Variants in PRKN observed in about 807,000 individuals in gnomAD.
PRKN encodes E3 ubiquitin-protein ligase parkin.
A neutral mutation model predicts 59.5 loss-of-function variants in PRKN; 56 were observed. That is an observed-to-expected ratio of 0.94 (90% confidence interval 0.76 to 1.18). The LOEUF is 1.18. PRKN is among the 50% of genes most tolerant of loss of function. The pLI, the probability that PRKN is intolerant of heterozygous loss-of-function variation, is 0.00. For synonymous variants in PRKN, 250 were observed against 222.1 expected, an observed-to-expected ratio of 1.13 and a Z score of -1.12; for missense variants, 657 against 596.4, an observed-to-expected ratio of 1.10 and a Z score of -1.06.
At chr6:161,479,514 A>G (rs990687326) in intron 9 of PRKN, among the ~76,000 whole-genome samples, 1 of 152,178 alleles carries the variant, frequency 6.6e-6, no homozygotes, top group African/African-American at 2.4e-5. Flanking sequence ...AGGAAGTGTA[A>G]TGAGGGAACC....
At chr6:161,640,322 CAT>C (rs1346831753) in intron 7 of PRKN, among the ~76,000 whole-genome samples, 1 of 152,090 alleles carries the variant, frequency 6.6e-6, no homozygotes, top group Non-Finnish European at 1.5e-5. Context: ...GCTTCTAAAA[CAT>C]ATACAGATAA....
At chr6:162,591,993 AT>A (rs891252983) in intron 1 of PRKN, among the ~76,000 whole-genome samples, 7 of 151,680 alleles carry the variant, frequency 4.6e-5, no homozygotes, top group African/African-American at 1.7e-4. Context: ...CCAGAACCTC[AT>A]TTTTTTGTTT....
intron 1 of PRKN, among the ~76,000 whole-genome samples, chr6:162,601,303 T>C (rs1398355452): frequency 8.5e-6 from 1 of 117,646 alleles, no homozygotes; most frequent in Non-Finnish European, 2.0e-5. Flanking sequence ...GGGGATTTGG[T>C]TTCCAAAACA....
chr6:161,805,605 C>T (rs1791284764), intron 6 of PRKN, among the ~76,000 whole-genome samples: 2 of 152,200 alleles, frequency 1.3e-5, no homozygotes, highest in Non-Finnish European at 2.9e-5. Flanking sequence ...AGCGCAGGCC[C>T]TCCGATGGCC....
chr6:161,388,691 C>T lies in PRKN; in HGVS notation c.1084-1814G>A, dbSNP rs1786372433. Among the ~76,000 whole-genome samples, 1 of 152,224 alleles carries T rather than the reference C, an allele frequency of 6.6e-6. No homozygotes were observed. Among genetic ancestry groups the T allele is most frequent in the African/African-American group, 2.4e-5 (1 of 41,466 alleles). Reference sequence around the variant, plus strand: ...CTTTCTAGGCCCAGGCCTCAAGAAACCAGAAGCTTCCATTTCCTGTTGGGA... The same window carrying T: ...CTTTCTAGGCCCAGGCCTCAAGAAATCAGAAGCTTCCATTTCCTGTTGGGA... On this transcript the variant is annotated intron_variant, in intron 9 of 11. Transcript: ENST00000366898. This position sits in a 1 kb window ranked among gnomAD's most constrained non-coding sequence, Gnocchi z 4.3.
rs1779031631 is a variant in PRKN at position 161,526,761 on chromosome 6, T to C, written c.1083+22093A>G. Among the ~76,000 whole-genome samples, 1 of 152,136 alleles carries C rather than the reference T, an allele frequency of 6.6e-6. No homozygotes were observed. Among genetic ancestry groups the C allele is most frequent in the African/African-American group, 2.4e-5 (1 of 41,432 alleles). On this transcript the variant is annotated intron_variant, in intron 9 of 11. Transcript: ENST00000366898. This position sits in a 1 kb window ranked among gnomAD's most constrained non-coding sequence, Gnocchi z 4.1. ...TCTGAAGGTTCGATAATGTAGTCTA[T>C]GAAATAAACTGACAGTAGACAGATC...
At chr6:162,174,640 A>G (rs560747261) in intron 4 of PRKN, among the ~76,000 whole-genome samples, 1 of 152,324 alleles carries the variant, frequency 6.6e-6, no homozygotes, top group South Asian at 2.1e-4. Flanking sequence ...GCTTCACACC[A>G]GACTTCTAAT....
intron 1 of PRKN, among the ~76,000 whole-genome samples, chr6:162,658,383 T>A (rs1778735258): frequency 6.6e-6 from 1 of 152,082 alleles, no homozygotes. Flanking sequence ...TATAAGAAAG[T>A]GTGTTAGCCG....
intron 3 of PRKN, among the ~76,000 whole-genome samples, chr6:162,214,385 G>A (rs1483838603): frequency 2.0e-5 from 3 of 152,122 alleles, no homozygotes; most frequent in Non-Finnish European, 4.4e-5. Flanking sequence ...CTTCAGGGTT[G>A]GATGGTTCTC....
At chr6:161,606,084 T>G (rs919659319) in intron 7 of PRKN, among the ~76,000 whole-genome samples, 2 of 152,156 alleles carry the variant, frequency 1.3e-5, no homozygotes, top group Non-Finnish European at 2.9e-5. Context: ...TTTCTTTTCA[T>G]GGACAGAGAC....
chr6:161,448,826 C>T lies in PRKN; in HGVS notation c.1084-61949G>A, dbSNP rs1157340051. Among the ~76,000 whole-genome samples the T allele has an allele frequency of 6.6e-6, 1 of 152,140 alleles. No homozygotes were observed. Among genetic ancestry groups the T allele is most frequent in the Admixed American group, 6.5e-5 (1 of 15,276 alleles). ...TGGACAATCCTTATAAGCTGGAGTC[C>T]AAGTTAACCTTCCCAAATGAGTGGC... On this transcript the variant is annotated intron_variant, in intron 9 of 11. Coordinates refer to ENST00000366898, the MANE Select transcript of PRKN (RefSeq NM_004562.3). This position sits in a 1 kb window ranked among gnomAD's most constrained non-coding sequence, Gnocchi z 5.1.
chr6:161,517,645 C>T (rs1055428211), intron 9 of PRKN, among the ~76,000 whole-genome samples: 3 of 141,288 alleles, frequency 2.1e-5, no homozygotes, highest in African/African-American at 7.9e-5. Context: ...GAGGCTGAGG[C>T]AGGAGAATGG....
At chr6:162,444,132 T>C (rs1790195293) in intron 1 of PRKN, among the ~76,000 whole-genome samples, 1 of 152,136 alleles carries the variant, frequency 6.6e-6, no homozygotes, top group Non-Finnish European at 1.5e-5. Context: ...TCTGTCTGTC[T>C]GCATGCCGTC....
In PRKN at chr6:161,395,775, G is replaced by A. The variant is rs760537457; in HGVS notation, c.1084-8898C>T. On this transcript the variant is annotated intron_variant, in intron 9 of 11. Coordinates refer to ENST00000366898, the MANE Select transcript of PRKN (RefSeq NM_004562.3). This position sits in a 1 kb window ranked among gnomAD's most constrained non-coding sequence, Gnocchi z 5.0. ...AAGTCTTGTCTACACAGCCAAAGCTGGGTCAGGAGTGGCCTGTGGTCAGGC... is the reference window on the plus strand; with the variant it reads ...AAGTCTTGTCTACACAGCCAAAGCTAGGTCAGGAGTGGCCTGTGGTCAGGC... Among the ~76,000 whole-genome samples, 15 of 152,204 alleles carry A rather than the reference G, an allele frequency of 9.9e-5. No homozygotes were observed. The highest frequency in any genetic ancestry group is 1.9e-4 in the Non-Finnish European group (13 of 68,042).
intron 1 of PRKN, among the ~76,000 whole-genome samples, chr6:162,604,688 T>C (rs539730598): frequency 1.2e-4 from 18 of 145,200 alleles, no homozygotes; most frequent in African/African-American, 4.6e-4. Context: ...CCCTGTTTCT[T>C]TCTCTCTCCT....
At chr6:161,733,206 T>C (rs1027707850) in intron 7 of PRKN, among the ~76,000 whole-genome samples, 5 of 152,214 alleles carry the variant, frequency 3.3e-5, no homozygotes, top group Non-Finnish European at 7.3e-5. Flanking sequence ...TAGGACAATA[T>C]GGATTTTTAA....
rs189682054 is a variant in PRKN, at chr6:162,304,547, T to C, written c.172-41782A>G. 4.4e-4 allele frequency among the ~76,000 whole-genome samples: 47 copies of C among 107,106 alleles called. 3 individuals are homozygous for C. Among genetic ancestry groups the C allele is most frequent in the Non-Finnish European group, 7.2e-4 (40 of 55,886 alleles). The allele number at this position is 107,106 out of a possible 152,430, so 70.3% of individuals were successfully genotyped here. A position where few individuals can be genotyped will look rare whatever the true frequency, so the allele number is the denominator to read the frequency against. ...TCTATCTATCTATCTATCTATCTAT[T>C]TATCCATCTGTCCATTTATCTATCT... On this transcript the variant is annotated intron_variant, in intron 2 of 11. Coordinates refer to ENST00000366898, the MANE Select transcript of PRKN (RefSeq NM_004562.3).
At chr6:161,899,767 A>C (rs543232551) in intron 6 of PRKN, among the ~76,000 whole-genome samples, 2 of 152,162 alleles carry the variant, frequency 1.3e-5, no homozygotes, top group African/African-American at 4.8e-5. Flanking sequence ...GCGTATTCCC[A>C]TACGTTGTAC....
In PRKN at chr6:162,246,307, G is replaced by A. The variant is rs536960449; in HGVS notation, c.412+16218C>T. On this transcript the variant is annotated intron_variant, in intron 3 of 11. Coordinates refer to ENST00000366898, the MANE Select transcript of PRKN (RefSeq NM_004562.3). ...CAAGAGGGTATGTAGAGGAAACCCC[G>A]TGAGAGGAAACGGAGAAGACGGCCA... is the stretch of plus-strand genomic sequence containing the variant. 1.3e-3 allele frequency among the ~76,000 whole-genome samples: 198 copies of A among 152,200 alleles called. 1 individual carries two copies. Among genetic ancestry groups the A allele is most frequent in the African/African-American group, 4.3e-3 (179 of 41,544 alleles).
Sources: allele counts gnomAD v4.1 joint callset (sites outside exome capture counted in the v4.1 genomes callset), GRCh38; gene constraint gnomAD v4.1.1; non-coding constraint Gnocchi (gnomAD v3.1); transcripts MANE v1.5; gene names NCBI Gene and HGNC (gene_info 2026-07-23, HGNC 2026-07-21).